The following PTPRK variants were observed in gnomAD, a reference collection of about 807,000 sequenced individuals.
PTPRK encodes receptor-type tyrosine-protein phosphatase kappa.
In PTPRK, 75 loss-of-function variants were observed where a neutral mutation model predicts 178.0. The observed-to-expected ratio is 0.42, with a 90% CI of 0.35 to 0.51. The LOEUF (loss-of-function observed/expected upper bound fraction) is 0.51, where lower values mean the gene tolerates loss of function less well. PTPRK is among the 20% of genes least tolerant of loss of function. PTPRK has a pLI of 0.02. For missense variants in PTPRK, 1,441 were observed against 1,797.8 expected, an observed-to-expected ratio of 0.80 and a Z score of 3.59; for synonymous variants, 637 against 620.6, an observed-to-expected ratio of 1.03 and a Z score of -0.39.
intron 3 of PTPRK, among the ~76,000 whole-genome samples, chr6:128,318,288 T>G (rs1256503297): frequency 6.6e-6 from 1 of 152,152 alleles, no homozygotes; most frequent in Non-Finnish European, 1.5e-5. Flanking sequence ...GCCCCAATCT[T>G]TTCAGATCCA....
chr6:128,349,457 T>C (rs1240479914), intron 2 of PTPRK, among the ~76,000 whole-genome samples: 1 of 152,102 alleles, frequency 6.6e-6, no homozygotes, highest in African/African-American at 2.4e-5. Context: ...TTATCTTCTC[T>C]TTTATTGTAC....
At chr6:128,176,405 T>A (rs1562729397) in intron 7 of PTPRK, among the ~76,000 whole-genome samples, 1 of 151,696 alleles carries the variant, frequency 6.6e-6, no homozygotes, top group African/African-American at 2.4e-5. Context: ...GAAAGATGAG[T>A]TCTTTAAACT....
intron 5 of PTPRK, among the ~76,000 whole-genome samples, chr6:128,224,884 T>C (rs1349894089): frequency 6.6e-6 from 1 of 152,168 alleles, no homozygotes; most frequent in Non-Finnish European, 1.5e-5. Flanking sequence ...CAGGATGGCA[T>C]ATCAGGCAGA....
chr6:128,330,631 A>T (rs756293726), intron 2 of PTPRK, among the ~76,000 whole-genome samples: 1 of 152,164 alleles, frequency 6.6e-6, no homozygotes, highest in Non-Finnish European at 1.5e-5. Context: ...AGCAAGTTTT[A>T]TGATTTCCAC....
intron 7 of PTPRK, among the ~76,000 whole-genome samples, chr6:128,120,409 T>C (rs1792269620): frequency 6.6e-6 from 1 of 152,026 alleles, no homozygotes; most frequent in Non-Finnish European, 1.5e-5. Flanking sequence ...TATCTCTATT[T>C]GAGGCTCTTT....
chr6:128,392,145 C>T (rs1839682899), intron 2 of PTPRK, among the ~76,000 whole-genome samples: 1 of 152,116 alleles, frequency 6.6e-6, no homozygotes, highest in Non-Finnish European at 1.5e-5. Context: ...GGTGGCTCCT[C>T]AGAAAAACAC....
At chr6:127,994,209 A>C (rs1776900682) in intron 18 of PTPRK, among the ~76,000 whole-genome samples, 1 of 151,742 alleles carries the variant, frequency 6.6e-6, no homozygotes, top group Non-Finnish European at 1.5e-5. Flanking sequence ...GAACCTAATA[A>C]ATGTAATGAA....
intron 2 of PTPRK, among the ~76,000 whole-genome samples, chr6:128,361,582 C>T (rs1254223840): frequency 6.6e-6 from 1 of 152,040 alleles, no homozygotes; most frequent in Non-Finnish European, 1.5e-5. Context: ...TCACACAAAC[C>T]TATACAATAG....
intron 1 of PTPRK, among the ~76,000 whole-genome samples, chr6:128,433,917 C>A (rs1845180962): frequency 2.0e-5 from 3 of 149,206 alleles, no homozygotes; most frequent in Non-Finnish European, 4.4e-5. Flanking sequence ...GTCATAAGTA[C>A]ACAGTCCAAA....
At chr6:127,982,791 T>C (rs375113414) in intron 24 of PTPRK, 40 bp downstream of exon 24, 1 of 1,555,624 alleles carries the variant, frequency 6.4e-7, no homozygotes, top group Non-Finnish European at 8.8e-7. Context: ...CAGAACAAAT[T>C]GTAGTAAGTC....
intron 7 of PTPRK, among the ~76,000 whole-genome samples, chr6:128,142,098 CAT>C (rs1205551328): frequency 6.6e-6 from 1 of 151,736 alleles, no homozygotes; most frequent in Non-Finnish European, 1.5e-5. Context: ...TACATATATG[CAT>C]ATGTCAAGTA....
At chr6:128,271,405 G>A (rs1262318170) in intron 3 of PTPRK, among the ~76,000 whole-genome samples, 1 of 152,130 alleles carries the variant, frequency 6.6e-6, no homozygotes, top group East Asian at 1.9e-4. Context: ...CAAGATGAAA[G>A]CACTGCAGGG....
intron 7 of PTPRK, among the ~76,000 whole-genome samples, chr6:128,148,868 A>C (rs1408947878): frequency 6.6e-6 from 1 of 152,116 alleles, no homozygotes; most frequent in Non-Finnish European, 1.5e-5. Context: ...ATTTATTTGC[A>C]TGTTAATTAG....
At chr6:128,283,495 A>G (rs948200790) in intron 3 of PTPRK, among the ~76,000 whole-genome samples, 1 of 152,138 alleles carries the variant, frequency 6.6e-6, no homozygotes, top group African/African-American at 2.4e-5. Flanking sequence ...GGCTTTTTAG[A>G]AAGCATGAAC....
At chr6:128,490,443 C>T (rs187735144) in intron 1 of PTPRK, among the ~76,000 whole-genome samples, 6 of 152,196 alleles carry the variant, frequency 3.9e-5, no homozygotes, top group East Asian at 1.9e-4. Context: ...TACACTAGAA[C>T]GCAGAGGGCT....
Position 128,386,097 on chromosome 6 carries a change from C to A in PTPRK, c.223+11469G>T, listed in dbSNP as rs576740885. Among the ~76,000 whole-genome samples the A allele has an allele frequency of 1.1e-4, 16 of 151,968 alleles. No homozygotes were observed. The South Asian group carries it at 2.9e-3, about 28-fold the overall frequency. On this transcript the variant is annotated intron_variant, in intron 2 of 29. Coordinates refer to ENST00000368226, the MANE Select transcript of PTPRK (RefSeq NM_002844.4). The stretch of plus-strand genomic sequence containing the variant: ...TTATTTATCTTGATTTAATTTTAAT[C>A]CTTGACTTAATAAAGGTTCTTTAAT...
intron 7 of PTPRK, among the ~76,000 whole-genome samples, chr6:128,111,522 C>T (rs1790657610): frequency 6.6e-6 from 1 of 152,132 alleles, no homozygotes; most frequent in South Asian, 2.1e-4. Context: ...GTAAAAATTG[C>T]TATTTTACAT....
intron 2 of PTPRK, among the ~76,000 whole-genome samples, chr6:128,324,425 G>A (rs961429464): frequency 4.6e-5 from 7 of 151,952 alleles, no homozygotes; most frequent in Admixed American, 3.9e-4. Flanking sequence ...TCAGTCAGTT[G>A]TACCCTTAAG....
intron 7 of PTPRK, among the ~76,000 whole-genome samples, chr6:128,169,450 T>C (rs977536144): frequency 1.7e-4 from 26 of 152,184 alleles, no homozygotes; most frequent in African/African-American, 6.3e-4. Context: ...TAGATCAATC[T>C]CTTTATTTTC....
Sources: gnomAD v4.1 joint callset for allele counts (sites outside exome capture counted in the v4.1 genomes callset) on GRCh38, gnomAD v4.1.1 for gene constraint, MANE v1.5 for transcripts, NCBI Gene and HGNC (gene_info 2026-07-23, HGNC 2026-07-21) for gene names.